The following WIPF1 variants were observed in gnomAD, a reference collection of about 807,000 sequenced individuals.
WIPF1 encodes the protein WAS/WASL interacting protein family member 1, also known as WAS/WASL-interacting protein family member 1.
In WIPF1, 13 loss-of-function variants were observed where a neutral mutation model predicts 35.4. The observed-to-expected ratio is 0.37, with a 90% confidence interval of 0.24 to 0.58. The LOEUF is 0.58. Among genes scored for constraint, WIPF1 ranks in the 20% least tolerant of loss-of-function variants. The pLI is 0.74. For missense variants in WIPF1, 591 were observed against 667.0 expected (o/e 0.89, Z 1.25); for synonymous variants, 267 against 266.3 (o/e 1.00, Z -0.02).
chr2:174,658,868 T>C (rs563563303), intron 1 of WIPF1, among the ~76,000 whole-genome samples: 27 of 151,860 alleles, frequency 1.8e-4, no homozygotes, highest in African/African-American at 6.5e-4. Flanking sequence ...ATGGGAATAG[T>C]AGAAAGATGA....
intron 1 of WIPF1, among the ~76,000 whole-genome samples, chr2:174,638,082 T>C (rs1467794292): frequency 6.6e-6 from 1 of 152,182 alleles, no homozygotes; most frequent in African/African-American, 2.4e-5. Context: ...TTTTTCCCAC[T>C]GAACAAATAT....
intron 1 of WIPF1, among the ~76,000 whole-genome samples, chr2:174,636,839 A>G (rs768073012): frequency 6.6e-6 from 1 of 152,240 alleles, no homozygotes; most frequent in African/African-American, 2.4e-5. Flanking sequence ...CATTTTAGTC[A>G]CATCGTATCA....
At chr2:174,664,295 C>T (rs1687842708) in intron 1 of WIPF1, among the ~76,000 whole-genome samples, 1 of 152,214 alleles carries the variant, frequency 6.6e-6, no homozygotes, top group Non-Finnish European at 1.5e-5. Flanking sequence ...TGCGGAGGAG[C>T]TCGTTCACTC....
At chr2:174,633,680 T>G (rs191234946) in intron 1 of WIPF1, among the ~76,000 whole-genome samples, 1 of 152,362 alleles carries the variant, frequency 6.6e-6, no homozygotes, top group Non-Finnish European at 1.5e-5. Flanking sequence ...GCCCTTTCTA[T>G]GTTTCTGGAC....
At position 174,672,345 on chromosome 2, in the gene WIPF1, T is replaced by A. The variant is rs146708100; in HGVS notation, c.-39+10429A>T. Reference sequence around the variant, plus strand: ...CTGCCCAGTGTACCTGGACAGCATCTGGCTCAAATTCCATTTCCACAAATA... The same window carrying A: ...CTGCCCAGTGTACCTGGACAGCATCAGGCTCAAATTCCATTTCCACAAATA... On this transcript the variant is annotated intron_variant, in intron 1 of 8. Coordinates refer to the WIPF1 transcript ENST00000272746. Among the ~76,000 whole-genome samples, 316 of 152,354 alleles carry A rather than the reference T, an allele frequency of 2.1e-3. 1 individual carries two copies. The highest frequency in any genetic ancestry group is 3.4e-3 in the Middle Eastern group (1 of 294).
rs918557171 is a variant in WIPF1 at position 174,615,773 on chromosome 2, G to A, written c.-38-30162C>T. 2.0e-5 allele frequency among the ~76,000 whole-genome samples: 3 copies of A among 152,300 alleles called. No homozygotes were observed. The South Asian group carries it at 6.2e-4, about 32-fold the overall frequency. On this transcript the variant is annotated intron_variant, in intron 1 of 8. Transcript: ENST00000272746. ...TGGAATTCTTATAAAGAGAAGAGCAGGCAAAGGTCATCGGAGGACATTATT... is the reference window on the plus strand; with the variant it reads ...TGGAATTCTTATAAAGAGAAGAGCAAGCAAAGGTCATCGGAGGACATTATT...
chr2:174,607,296 G>A (rs1340170500), intron 1 of WIPF1, among the ~76,000 whole-genome samples: 1 of 151,972 alleles, frequency 6.6e-6, no homozygotes, highest in Non-Finnish European at 1.5e-5. Flanking sequence ...CCAGCTACTC[G>A]GGAGGCTGAG....
At position 174,630,711 on chromosome 2, in the gene WIPF1, G is replaced by A. The variant is rs1686994016; in HGVS notation, c.-38-45100C>T. ...CAATCCCTTCCCTGGTAGAGTTACAGAGTATACATTAGTATTCATGATATT... is the reference window on the plus strand; with the variant it reads ...CAATCCCTTCCCTGGTAGAGTTACAAAGTATACATTAGTATTCATGATATT... On this transcript the variant is annotated intron_variant, in intron 1 of 8. Coordinates refer to the WIPF1 transcript ENST00000272746. 1.3e-5 allele frequency: 2 copies of A among 152,140 alleles called. 1 individual carries two copies. The highest frequency in any genetic ancestry group is 4.2e-4 in the South Asian group (2 of 4,816). 9.4% of individuals were successfully genotyped at this position (152,140 alleles called of 1,614,324 possible).
At chr2:174,594,220 T>A (rs151325144) in intron 1 of WIPF1, among the ~76,000 whole-genome samples, 74 of 152,334 alleles carry the variant, frequency 4.9e-4, no homozygotes, top group African/African-American at 1.8e-3. Context: ...ATAGTTCTTT[T>A]AGATAAGGAG....
intron 1 of WIPF1, among the ~76,000 whole-genome samples, chr2:174,654,536 T>C (rs1429037673): frequency 6.6e-6 from 1 of 152,172 alleles, no homozygotes; most frequent in African/African-American, 2.4e-5. Flanking sequence ...AAGAACAAGA[T>C]TCTAGAGTCT....
chr2:174,644,568 GACTCTTGAGA>G (rs1687363042), intron 1 of WIPF1, among the ~76,000 whole-genome samples: 1 of 152,018 alleles, frequency 6.6e-6, no homozygotes, highest in South Asian at 2.1e-4. Context: ...ACAAATTTTG[GACTCTTGAGA>G]CATGCAGGCA....
intron 1 of WIPF1, among the ~76,000 whole-genome samples, chr2:174,667,379 A>G (rs1011370746): frequency 6.6e-6 from 1 of 152,162 alleles, no homozygotes; most frequent in African/African-American, 2.4e-5. Flanking sequence ...AATCAGTCCT[A>G]GGCCAATGAC....
intron 1 of WIPF1, chr2:174,682,698 C>T (rs1688279742): frequency 6.6e-6 from 1 of 151,736 alleles, no homozygotes; most frequent in Admixed American, 6.6e-5. Flanking sequence ...GCCGTCGAGC[C>T]CAGCCCCTCC....
In WIPF1 at chr2:174,574,062, G is replaced by GT. The variant is rs200453377; in HGVS notation, c.358+1141dup. Among the ~76,000 whole-genome samples the GT allele has an allele frequency of 8.1e-3, 1,217 of 149,372 alleles. 6 individuals are homozygous for GT. The highest frequency in any genetic ancestry group is 0.014 in the Admixed American group (208 of 15,008). On this transcript the variant is annotated intron_variant, in intron 4 of 7. Coordinates refer to ENST00000679041, the MANE Select transcript of WIPF1 (RefSeq NM_001375834.1). Reference sequence around the variant, plus strand: ...GAGCCACCATGCCCACTAACTTTTTGTTTTTTTTTAGTAGAGACAGGATTT... The same window carrying GT: ...GAGCCACCATGCCCACTAACTTTTTGTTTTTTTTTTAGTAGAGACAGGATTT...
intron 1 of WIPF1, among the ~76,000 whole-genome samples, chr2:174,639,164 T>C (rs1574855203): frequency 1.3e-5 from 2 of 152,238 alleles, no homozygotes; most frequent in African/African-American, 4.8e-5. Flanking sequence ...GAGTGAAGTA[T>C]ATCTCACTGT....
Position 174,655,140 on chromosome 2 carries a change from G to C in WIPF1, c.-39+27634C>G, listed in dbSNP as rs537615744. ...TGGCTGCCCAAGCCAGAAATCTGAG[G>C]ATCACCCTTGCCCCTTCCCTCGTAT... is the stretch of plus-strand genomic sequence containing the variant. On this transcript the variant is annotated intron_variant, in intron 1 of 8. Coordinates refer to the WIPF1 transcript ENST00000272746. Among the ~76,000 whole-genome samples the C allele has an allele frequency of 2.0e-5, 3 of 152,046 alleles. No homozygotes were observed. In the East Asian group the frequency reaches 5.8e-4, roughly 29 times the overall value.
intron 1 of WIPF1, among the ~76,000 whole-genome samples, chr2:174,629,005 A>G (rs1248727384): frequency 1.3e-5 from 2 of 152,206 alleles, no homozygotes; most frequent in African/African-American, 2.4e-5. Flanking sequence ...GAATAACCTA[A>G]CATTTTTGCC....
At chr2:174,601,677 A>C (rs545211207), upstream of WIPF1, among the ~76,000 whole-genome samples, 47 of 152,372 alleles carry the variant, frequency 3.1e-4, no homozygotes, top group South Asian at 8.3e-4. Context: ...AGTGAAGCGG[A>C]GTTCTCAGCT....
chr2:174,623,298 C>T (rs2105918656), intron 1 of WIPF1, among the ~76,000 whole-genome samples: 1 of 152,258 alleles, frequency 6.6e-6, no homozygotes, highest in Admixed American at 6.5e-5. Context: ...GGCTGGGTAC[C>T]TCTGGCTCAA....
Sources: gnomAD v4.1 joint callset for allele counts (sites outside exome capture counted in the v4.1 genomes callset) on GRCh38, gnomAD v4.1.1 for gene constraint, MANE v1.5 for transcripts, NCBI Gene and HGNC (gene_info 2026-07-23, HGNC 2026-07-21) for gene names.